Variants in ASTN2 observed in about 807,000 individuals in gnomAD.
ASTN2 encodes the protein astrotactin-2.
ASTN2 carries 54 observed loss-of-function variants against 139.8 expected under a neutral mutation model. That is an observed-to-expected ratio of 0.39 (90% CI 0.31 to 0.48). The LOEUF (loss-of-function observed/expected upper bound fraction) is 0.48, where lower values mean the gene tolerates loss of function less well. ASTN2 is among the 20% of genes least tolerant of loss of function. The pLI, the probability that ASTN2 is intolerant of heterozygous loss-of-function variation, is 0.95. For missense variants in ASTN2, 1,565 were observed against 1,725.1 expected, an observed-to-expected ratio of 0.91 and a Z score of 1.64; for synonymous variants, 756 against 719.5, an observed-to-expected ratio of 1.05 and a Z score of -0.81.
chr9:116,736,981 C>A (rs1407366151), intron 13 of ASTN2, among the ~76,000 whole-genome samples: 1 of 152,142 alleles, frequency 6.6e-6, no homozygotes, highest in African/African-American at 2.4e-5. Context: ...TGGCTCAGGA[C>A]ACCCCTTCTC....
intron 10 of ASTN2, among the ~76,000 whole-genome samples, chr9:116,953,845 T>C (rs1468549070): frequency 2.6e-5 from 4 of 152,182 alleles, no homozygotes; most frequent in Non-Finnish European, 5.9e-5. Flanking sequence ...AGCTCATTAG[T>C]GGCAGAGCTG....
intron 19 of ASTN2, among the ~76,000 whole-genome samples, chr9:116,542,643 C>T (rs577138935): frequency 6.6e-6 from 1 of 152,262 alleles, no homozygotes; most frequent in Non-Finnish European, 1.5e-5. Flanking sequence ...TTATTTTTGG[C>T]TGGGTGTGGT....
At chr9:117,370,377 A>C (rs1474997934) in intron 1 of ASTN2, among the ~76,000 whole-genome samples, 2 of 152,196 alleles carry the variant, frequency 1.3e-5, no homozygotes. Flanking sequence ...GTGAACACCA[A>C]AGGCACACGG....
chr9:116,587,376 T>G (rs140028671), intron 19 of ASTN2, among the ~76,000 whole-genome samples: 2 of 150,046 alleles, frequency 1.3e-5, no homozygotes, highest in Non-Finnish European at 3.0e-5. Context: ...AGCACACTGT[T>G]ATAGAAGATC....
At chr9:116,556,250 T>C (rs1852608459) in intron 19 of ASTN2, among the ~76,000 whole-genome samples, 1 of 152,222 alleles carries the variant, frequency 6.6e-6, no homozygotes, top group Non-Finnish European at 1.5e-5. Context: ...ATTTTATTTA[T>C]ACTTCTTTGT....
chr9:116,829,530 G>C (rs1428994574), intron 11 of ASTN2, among the ~76,000 whole-genome samples: 1 of 152,120 alleles, frequency 6.6e-6, no homozygotes, highest in Non-Finnish European at 1.5e-5. Flanking sequence ...AGGAGGCATG[G>C]CTGGGGAGGT....
intron 16 of ASTN2, among the ~76,000 whole-genome samples, chr9:116,671,610 T>C (rs1014307035): frequency 1.8e-4 from 28 of 152,208 alleles, no homozygotes; most frequent in South Asian, 1.0e-3. Context: ...CAACAGAATA[T>C]GACAATATTG....
intron 10 of ASTN2, among the ~76,000 whole-genome samples, chr9:116,865,058 C>G (rs1182176233): frequency 2.6e-5 from 4 of 152,188 alleles, no homozygotes; most frequent in African/African-American, 9.7e-5. Flanking sequence ...ACATCTCTAT[C>G]CACTAGGCAC....
chr9:116,662,359 G>A (rs1452591027), intron 16 of ASTN2, among the ~76,000 whole-genome samples: 2 of 152,154 alleles, frequency 1.3e-5, no homozygotes, highest in African/African-American at 2.4e-5. Flanking sequence ...GATCACCTGA[G>A]GTCAGGAGTT....
intron 1 of ASTN2, among the ~76,000 whole-genome samples, chr9:117,325,003 C>CT (rs1469228307): frequency 2.6e-5 from 4 of 152,142 alleles, no homozygotes; most frequent in Non-Finnish European, 5.9e-5. Context: ...GCTGGGAATT[C>CT]TGAGAGGCGG....
At chr9:117,233,361 AC>A (rs1331398015) in intron 2 of ASTN2, among the ~76,000 whole-genome samples, 1 of 151,964 alleles carries the variant, frequency 6.6e-6, no homozygotes, top group Non-Finnish European at 1.5e-5. Context: ...GTCGCTCAAT[AC>A]CCCCTTAGCC....
At chr9:117,325,318 A>C (rs1828478681) in intron 1 of ASTN2, among the ~76,000 whole-genome samples, 1 of 152,260 alleles carries the variant, frequency 6.6e-6, no homozygotes, top group Admixed American at 6.5e-5. Flanking sequence ...CTCACCTCTC[A>C]GTTTCTGACC....
At chr9:117,166,003 GGA>G (rs752623048) in intron 3 of ASTN2, among the ~76,000 whole-genome samples, 2 of 152,024 alleles carry the variant, frequency 1.3e-5, no homozygotes, top group Non-Finnish European at 2.9e-5. Context: ...ACATAATCAT[GGA>G]GTAAAAAGTA....
intron 13 of ASTN2, among the ~76,000 whole-genome samples, chr9:116,768,227 T>C (rs981135637): frequency 8.4e-6 from 1 of 119,618 alleles, no homozygotes; most frequent in Non-Finnish European, 1.8e-5. Context: ...ACTCAACCCA[T>C]TCCTATCTGC....
chr9:117,384,107 ATGGGCGGTGGGACTGAGCTGC>A (rs1230964159), intron 1 of ASTN2, among the ~76,000 whole-genome samples: 5 of 152,092 alleles, frequency 3.3e-5, no homozygotes, highest in Non-Finnish European at 7.4e-5. Context: ...CAGCTCAAAT[ATGGGCGGTGGGACTGAGCTGC>A]TGGGCGGGGT....
intron 10 of ASTN2, among the ~76,000 whole-genome samples, chr9:116,955,993 C>T (rs994890652): frequency 2.0e-5 from 3 of 152,048 alleles, no homozygotes; most frequent in Admixed American, 6.6e-5. Context: ...AATTTCCCAA[C>T]ATTGGCTGTA....
At chr9:117,342,875 G>A (rs1217112848) in intron 1 of ASTN2, among the ~76,000 whole-genome samples, 1 of 152,152 alleles carries the variant, frequency 6.6e-6, no homozygotes, top group Non-Finnish European at 1.5e-5. Flanking sequence ...GGGTACTGTG[G>A]CATACTTTGA....
intron 16 of ASTN2, among the ~76,000 whole-genome samples, chr9:116,664,076 C>A (rs1321735247): frequency 6.6e-6 from 1 of 152,108 alleles, no homozygotes; most frequent in Non-Finnish European, 1.5e-5. Context: ...CTTACCATAG[C>A]AGTCTATGGA....
rs773676509 is a variant in ASTN2, at chr9:117,189,699, C to T, written c.1015+24659G>A. Among the ~76,000 whole-genome samples the T allele has an allele frequency of 1.6e-3, 240 of 152,248 alleles. 3 individuals are homozygous for T. Among genetic ancestry groups the T allele is most frequent in the Admixed American group, 4.6e-4 (7 of 15,292 alleles). ...GTATTAGTAAGGTGAAACTGGACCC[C>T]GGTGTGTCTGGTTCAAGAGTTGGGC... On this transcript the variant is annotated intron_variant, in intron 3 of 22. Transcript: ENST00000313400.
Sources: allele counts gnomAD v4.1 joint callset (sites outside exome capture counted in the v4.1 genomes callset), GRCh38; gene constraint gnomAD v4.1.1; transcripts MANE v1.5; gene names NCBI Gene and HGNC (gene_info 2026-07-23, HGNC 2026-07-21).